Variants in PDE11A observed in about 807,000 individuals in gnomAD.
PDE11A encodes the protein dual 3',5'-cyclic-AMP and -GMP phosphodiesterase 11A.
A neutral mutation model predicts 100.5 loss-of-function variants in PDE11A; 100 were observed. That is an observed-to-expected ratio of 1.00 (90% CI 0.85 to 1.18). PDE11A has a LOEUF of 1.18. Among genes scored for constraint, PDE11A ranks in the 50% most tolerant of loss-of-function variants. The pLI, the probability that PDE11A is intolerant of heterozygous loss-of-function variation, is 0.00. For synonymous variants in PDE11A, 381 were observed against 420.8 expected, an observed-to-expected ratio of 0.91 and a Z score of 1.16; for missense variants, 1,141 against 1,152.6, an observed-to-expected ratio of 0.99 and a Z score of 0.15.
intron 2 of PDE11A, among the ~76,000 whole-genome samples, chr2:177,910,155 T>G (rs1240805133): frequency 1.3e-5 from 2 of 152,164 alleles, no homozygotes; most frequent in Non-Finnish European, 2.9e-5. Flanking sequence ...TCTTTGTTAA[T>G]GTAGGAAATG....
At chr2:177,674,621 T>C (rs2080739822) in intron 17 of PDE11A, among the ~76,000 whole-genome samples, 1 of 152,222 alleles carries the variant, frequency 6.6e-6, no homozygotes, top group African/African-American at 2.4e-5. Flanking sequence ...AGATACTCTT[T>C]CCTTTCACGG....
At chr2:177,654,356 T>A (rs1248535643) in intron 19 of PDE11A, among the ~76,000 whole-genome samples, 2 of 152,046 alleles carry the variant, frequency 1.3e-5, no homozygotes, top group Non-Finnish European at 2.9e-5. Flanking sequence ...CTTGTCTCTA[T>A]GAAAATACAG....
intron 15 of PDE11A, among the ~76,000 whole-genome samples, chr2:177,689,553 T>C (rs2081012087): frequency 6.6e-6 from 1 of 152,218 alleles, no homozygotes; most frequent in African/African-American, 2.4e-5. Flanking sequence ...TTCTGGACTT[T>C]CTTTGCATAC....
At chr2:177,901,132 G>A (rs1051998654) in intron 3 of PDE11A, among the ~76,000 whole-genome samples, 2 of 152,126 alleles carry the variant, frequency 1.3e-5, no homozygotes, top group Non-Finnish European at 2.9e-5. Flanking sequence ...GAGTCATACA[G>A]CTGACTCTTC....
chr2:178,105,390 C>T (rs1411120023), intron 1 of PDE11A, among the ~76,000 whole-genome samples: 20 of 152,072 alleles, frequency 1.3e-4, no homozygotes, highest in African/African-American at 3.1e-4. Context: ...ACCTGGGAGG[C>T]GGAGGTTGCA....
intron 1 of PDE11A, among the ~76,000 whole-genome samples, chr2:178,026,850 G>T (rs2086485279): frequency 6.6e-6 from 1 of 151,820 alleles, no homozygotes; most frequent in South Asian, 2.1e-4. Context: ...TTACATATTT[G>T]GGAAAAATAA....
chr2:178,034,080 C>A (rs2086579994), intron 1 of PDE11A, among the ~76,000 whole-genome samples: 1 of 151,956 alleles, frequency 6.6e-6, no homozygotes, highest in Non-Finnish European at 1.5e-5. Context: ...CTAAATGCCC[C>A]AATTAAAAGA....
chr2:177,640,559 G>A (rs1334112111), intron 19 of PDE11A, among the ~76,000 whole-genome samples: 1 of 152,198 alleles, frequency 6.6e-6, no homozygotes, highest in Non-Finnish European at 1.5e-5. Context: ...AGCCAATTGT[G>A]GGAGCAGAGC....
intron 2 of PDE11A, among the ~76,000 whole-genome samples, chr2:177,995,644 C>G (rs1559036089): frequency 1.1e-5 from 1 of 89,134 alleles, no homozygotes; most frequent in African/African-American, 3.1e-5. Context: ...TCCACAAACA[C>G]CACCCACCCC....
At chr2:178,101,732 G>A (rs71423553) in intron 2 of PDE11A, among the ~76,000 whole-genome samples, 15,002 of 152,028 alleles carry the variant, frequency 0.099, 798 homozygotes, top group African/African-American at 0.12. Context: ...GAAATTCCAA[G>A]GTTTTAGAGG....
intron 2 of PDE11A, 77 bp from the exon 3 acceptor site, chr2:177,905,264 C>T: frequency 1.3e-6 from 1 of 776,500 alleles, no homozygotes; most frequent in Non-Finnish European, 2.3e-6. Context: ...TTGCACACTT[C>T]TTCTATATGC....
chr2:177,683,361 G>C (rs528115911), intron 15 of PDE11A: 1 of 152,394 alleles, frequency 6.6e-6, no homozygotes, highest in East Asian at 1.9e-4. Flanking sequence ...CTTTGGGTGG[G>C]CAGGTGTATA....
intron 2 of PDE11A, among the ~76,000 whole-genome samples, chr2:177,986,636 C>T (rs1052168522): frequency 6.6e-6 from 1 of 152,000 alleles, no homozygotes; most frequent in African/African-American, 2.4e-5. Context: ...TTGAGACCAG[C>T]CTGCCCAACA....
chr2:177,857,304 C>T (rs184548921), intron 5 of PDE11A, among the ~76,000 whole-genome samples: 152 of 151,930 alleles, frequency 1.0e-3, no homozygotes, highest in Non-Finnish European at 1.4e-3. Flanking sequence ...AAAAGAAAAG[C>T]CTTCAGGCTG....
At chr2:177,905,005 G>A (rs2084760071) in intron 3 of PDE11A, 93 bp downstream of exon 3, 2 of 779,058 alleles carry the variant, frequency 2.6e-6, no homozygotes, top group Non-Finnish European at 4.7e-6. Context: ...ACTATTCAAA[G>A]ATCATTCATT....
intron 10 of PDE11A, among the ~76,000 whole-genome samples, chr2:177,745,853 G>A (rs1033751640): frequency 6.6e-6 from 1 of 152,196 alleles, no homozygotes; most frequent in Non-Finnish European, 1.5e-5. Flanking sequence ...GGTGGGGATG[G>A]TATCAGCCAT....
intron 12 of PDE11A, among the ~76,000 whole-genome samples, chr2:177,713,278 G>A (rs1444412269): frequency 3.9e-5 from 6 of 152,026 alleles, no homozygotes; most frequent in Non-Finnish European, 4.4e-5. Context: ...CAAAATGCTG[G>A]GATTATAGGT....
chr2:178,072,970 A>T, upstream of PDE11A: 2 of 985,324 alleles, frequency 2.0e-6, no homozygotes, highest in Non-Finnish European at 2.4e-6. Context: ...AGGACTCCTG[A>T]TTGGAACACG....
chr2:177,972,773 T>A (rs982825168), intron 2 of PDE11A, among the ~76,000 whole-genome samples: 1 of 152,100 alleles, frequency 6.6e-6, no homozygotes, highest in Admixed American at 6.6e-5. Flanking sequence ...ACTGGTCAGT[T>A]TACAGGTAAG....
Sources: allele counts gnomAD v4.1 joint callset (sites outside exome capture counted in the v4.1 genomes callset), GRCh38; gene constraint gnomAD v4.1.1; transcripts MANE v1.5; gene names NCBI Gene and HGNC (gene_info 2026-07-23, HGNC 2026-07-21).